The following OPA3 variants were observed in gnomAD, a reference collection of about 807,000 sequenced individuals.
OPA3 encodes the protein outer mitochondrial membrane lipid metabolism regulator OPA3.
Under a neutral mutation model 4.0 loss-of-function variants are expected in OPA3, and 6 were observed. The observed-to-expected ratio is 1.51, with a 90% CI of 0.83 to 2.99. The LOEUF is 2.99. Ranked by LOEUF, OPA3 falls within the 30% of genes most tolerant of loss-of-function variation. OPA3 has a pLI of 0.00. For missense variants in OPA3, 235 were observed against 256.2 expected, an observed-to-expected ratio of 0.92 and a Z score of 0.56; for synonymous variants, 105 against 117.1, an observed-to-expected ratio of 0.90 and a Z score of 0.67.
intron 1 of OPA3, among the ~76,000 whole-genome samples, chr19:45,583,989 G>A (rs1367502667): frequency 6.6e-6 from 1 of 152,164 alleles, no homozygotes; most frequent in African/African-American, 2.4e-5. Flanking sequence ...TCTGTCAACC[G>A]AATGAAAGGA....
intron 1 of OPA3, among the ~76,000 whole-genome samples, chr19:45,582,899 T>G (rs1969877359): frequency 6.6e-6 from 1 of 152,236 alleles, no homozygotes; most frequent in East Asian, 1.9e-4. Context: ...GAAGGAGGTC[T>G]GCTTTGGGAA....
intron 1 of OPA3, among the ~76,000 whole-genome samples, chr19:45,577,440 C>T (rs2122509252): frequency 6.6e-6 from 1 of 152,326 alleles, no homozygotes; most frequent in South Asian, 2.1e-4. Context: ...TGTGAAGACA[C>T]TAATGATGTA....
chr19:45,567,337 GTC>G (rs1969597935), intron 1 of OPA3, among the ~76,000 whole-genome samples: 2 of 118,152 alleles, frequency 1.7e-5, no homozygotes, highest in African/African-American at 3.6e-5. Flanking sequence ...GAGACCCTGT[GTC>G]AAAAAAAAAA....
At chr19:45,543,773 C>T (rs1466939000), downstream of OPA3, among the ~76,000 whole-genome samples, 1 of 152,120 alleles carries the variant, frequency 6.6e-6, no homozygotes, top group African/African-American at 2.4e-5. Flanking sequence ...GCCAACGTTA[C>T]TATTTTAGGA....
intron 1 of OPA3, among the ~76,000 whole-genome samples, chr19:45,567,131 T>A (rs1969594494): frequency 6.6e-6 from 1 of 151,912 alleles, no homozygotes; most frequent in South Asian, 2.1e-4. Flanking sequence ...CCTGGGCCCA[T>A]GAGTTCAAGA....
intron 1 of OPA3, among the ~76,000 whole-genome samples, chr19:45,539,547 C>T (rs1034241015): frequency 4.6e-5 from 7 of 152,108 alleles, no homozygotes; most frequent in African/African-American, 1.4e-4. Context: ...AAACTCCTGA[C>T]CTCAAGCTAT....
At chr19:45,562,072 C>A (rs1023600149) in intron 1 of OPA3, among the ~76,000 whole-genome samples, 13 of 151,886 alleles carry the variant, frequency 8.6e-5, no homozygotes, top group Non-Finnish European at 1.9e-4. Context: ...TAGGGCCAGG[C>A]ATTATGGCTC....
chr19:45,535,578 C>T (rs557673755), intron 1 of OPA3, among the ~76,000 whole-genome samples: 32 of 151,786 alleles, frequency 2.1e-4, no homozygotes, highest in African/African-American at 6.3e-4. Context: ...AGGCTGGTCT[C>T]GAACTCCTGG....
At chr19:45,577,307 G>T (rs1427043658) in intron 1 of OPA3, among the ~76,000 whole-genome samples, 1 of 152,198 alleles carries the variant, frequency 6.6e-6, no homozygotes, top group Non-Finnish European at 1.5e-5. Flanking sequence ...TCAGCCAAAG[G>T]TACAGATACT....
In OPA3 at chr19:45,549,814, C is replaced by T. The variant is rs780154471; in HGVS notation, c.*3700G>A. On this transcript the variant is annotated 3_prime_UTR_variant, in exon 2 of 2. Coordinates refer to ENST00000263275, the MANE Select transcript of OPA3 (RefSeq NM_025136.4). ...AAACACAGCCCACTCAGGACCCACT[C>T]GGTCAGTTCCCTCTGCTCCAGCTTC... 2.2e-5 allele frequency: 22 copies of T among 985,338 alleles called. No individual in the cohort carries two copies. Among genetic ancestry groups the T allele is most frequent in the South Asian group, 9.4e-5 (2 of 21,266 alleles). 61.0% of individuals were successfully genotyped at this position (985,338 alleles called of 1,614,324 possible).
chr19:45,542,994 TTTTG>T (rs200340220), downstream of OPA3, among the ~76,000 whole-genome samples: 1,416 of 150,914 alleles, frequency 9.4e-3, 19 homozygotes, highest in African/African-American at 0.032. Context: ...TTTTGTCTTA[TTTTG>T]TTTGTTTATT....
intron 1 of OPA3, chr19:45,584,267 G>T (rs950732015): frequency 2.2e-6 from 2 of 897,472 alleles, no homozygotes; most frequent in Non-Finnish European, 2.7e-6. Context: ...AAAGGACCCC[G>T]TCCGGTTTCT....
Position 45,584,758 on chromosome 19 carries a change from C to G in OPA3, c.7G>C (p.Val3Leu). 3.1e-6 allele frequency: 5 copies of G among 1,613,934 alleles called. No individual in the cohort carries two copies. The highest frequency in any genetic ancestry group is 4.2e-6 in the Non-Finnish European group (5 of 1,180,040). MV[V>L]GAFPMAKLLY... ...AGCTTCGCCATAGGGAACGCGCCCA[C>G]CACCATCTTGGCGGTCTCACAGGGC... Residue 3 changes from valine to leucine, a missense_variant, in exon 1 of 2, where the codon GTG (valine) becomes CTG (leucine). Coordinates refer to ENST00000263275, the MANE Select transcript of OPA3 (RefSeq NM_025136.4).
At position 45,548,670 on chromosome 19, in the gene OPA3, T is replaced by C. The variant is rs1231027263; in HGVS notation, c.*4844A>G. On this transcript the variant is annotated 3_prime_UTR_variant, in exon 2 of 2. Transcript: ENST00000263275. ...GTGTTTTATTTTTTTTATTTTTTTT[T>C]TTTTTGCGGGAGACGCCCTACCAAG... 2.0e-6 allele frequency: 2 copies of C among 983,792 alleles called. No homozygotes were observed. Among genetic ancestry groups the C allele is most frequent in the South Asian group, 4.7e-5 (1 of 21,280 alleles). The allele number at this position is 983,792 out of a possible 1,614,324, so 60.9% of individuals were successfully genotyped here.
At chr19:45,536,528 A>G (rs111370351) in intron 1 of OPA3, among the ~76,000 whole-genome samples, 21,611 of 150,558 alleles carry the variant, frequency 0.14, 1,646 homozygotes, top group South Asian at 0.27. Context: ...ACTCTTGGCG[A>G]CAAGAGTGAA....
intron 1 of OPA3, among the ~76,000 whole-genome samples, chr19:45,534,787 C>T (rs996720408): frequency 1.3e-5 from 2 of 151,798 alleles, no homozygotes; most frequent in African/African-American, 4.8e-5. Context: ...CACGCGCCAC[C>T]ATGCCCGGCT....
At position 45,546,378 on chromosome 19, in the gene OPA3, AAT is replaced by A. The variant is rs1272326075; in HGVS notation, c.*7134_*7135del. On this transcript the variant is annotated 3_prime_UTR_variant, in exon 2 of 2. Coordinates refer to ENST00000263275, the MANE Select transcript of OPA3 (RefSeq NM_025136.4). ...TGATGTTATGTTACACATGACATAAAATATATATTTTATATTCCATTATATAT... is the reference window on the plus strand; with the variant it reads ...TGATGTTATGTTACACATGACATAAAATATATTTTATATTCCATTATATAT... 3 of 637,460 alleles carry A rather than the reference AAT, an allele frequency of 4.7e-6. No homozygotes were observed. The highest frequency in any genetic ancestry group is 4.0e-5 in the African/African-American group (2 of 50,538). The allele number at this position is 637,460 out of a possible 1,614,324, so 39.5% of individuals were successfully genotyped here.
intron 1 of OPA3, among the ~76,000 whole-genome samples, chr19:45,571,535 C>T (rs1969666936): frequency 6.6e-6 from 1 of 152,140 alleles, no homozygotes; most frequent in Non-Finnish European, 1.5e-5. Context: ...GATAGGAGAA[C>T]ATAATAATAA....
chr19:45,545,886 G>T (rs1164544268), downstream of OPA3, among the ~76,000 whole-genome samples: 2 of 151,280 alleles, frequency 1.3e-5, no homozygotes, highest in Admixed American at 6.6e-5. Flanking sequence ...CTAATTTTTT[G>T]TATTTTTAGT....
Sources: allele counts gnomAD v4.1 joint callset (sites outside exome capture counted in the v4.1 genomes callset), GRCh38; gene constraint gnomAD v4.1.1; transcripts MANE v1.5; gene names NCBI Gene and HGNC (gene_info 2026-07-23, HGNC 2026-07-21).